Variants in MYO7A observed in about 807,000 individuals in gnomAD.
MYO7A encodes the protein myosin VIIA, also known as unconventional myosin-VIIa.
A neutral mutation model predicts 263.8 loss-of-function variants in MYO7A; 210 were observed. That is an observed-to-expected ratio of 0.80 (90% CI 0.71 to 0.89). MYO7A has a LOEUF of 0.89. MYO7A is among the 40% of genes least tolerant of loss of function. MYO7A has a pLI of 0.00. For missense variants in MYO7A, 2,820 were observed against 2,968.3 expected, an observed-to-expected ratio of 0.95 and a Z score of 1.16; for synonymous variants, 1,239 against 1,197.3, an observed-to-expected ratio of 1.03 and a Z score of -0.72.
In MYO7A at chr11:77,201,601, T is replaced by C. The variant is rs369056903; in HGVS notation, c.5006T>C (p.Val1669Ala). 1.2e-5 allele frequency: 19 copies of C among 1,613,686 alleles called. No individual in the cohort carries two copies. Among genetic ancestry groups the C allele is most frequent in the Admixed American group, 5.0e-5 (3 of 59,994 alleles). The change falls in exon 36 of 49, where the codon GTC becomes GCC. Residue 1669 changes from valine (V) to alanine (A), a missense_variant. Physicochemically the swap from Val to Ala is moderately conservative, Grantham distance 64 (BLOSUM62 0). Coordinates refer to ENST00000409709, the MANE Select transcript of MYO7A (RefSeq NM_000260.4). ...RGDFPTDSVY[V>A]MPTVTMPPRE... ...GACTTCCCCACCGACAGTGTGTACGTCATGCCCACTGTCACCATGCCACCG... is the reference window on the plus strand; with the variant it reads ...GACTTCCCCACCGACAGTGTGTACGCCATGCCCACTGTCACCATGCCACCG...
chr11:77,194,302 G>T lies in MYO7A; in HGVS notation c.4153-52G>T, dbSNP rs532071000. ...CTGGAGCCTTTGGTGGTGTGGAAGG[G>T]CTTCCTGGAGGGGCCTGGGCCAATG... is the stretch of plus-strand genomic sequence containing the variant. On this transcript the variant is annotated intron_variant, in intron 31 of 48. Transcript: ENST00000409709. The T allele has an allele frequency of 1.7e-4, 274 of 1,574,238 alleles. 3 individuals carry two copies. The South Asian group carries it at 3.1e-3, about 18-fold the overall frequency.
At chr11:77,204,440 TGA>T in intron 39 of MYO7A, among the ~76,000 whole-genome samples, 2 of 152,326 alleles carry the variant, frequency 1.3e-5, no homozygotes, top group South Asian at 4.1e-4. Flanking sequence ...TGTCTTCCTT[TGA>T]GTCTGTCCTC....
chr11:77,165,056 A>C (rs1953403919), intron 14 of MYO7A, among the ~76,000 whole-genome samples: 1 of 152,226 alleles, frequency 6.6e-6, no homozygotes, highest in Admixed American at 6.5e-5. Flanking sequence ...AGTTAAGGAA[A>C]CTGGAGTCCC....
intron 18 of MYO7A, 118 bp from the exon 19 acceptor site, chr11:77,177,431 G>A (rs1201019339): frequency 3.8e-6 from 3 of 794,428 alleles, no homozygotes; most frequent in Non-Finnish European, 6.2e-6. Flanking sequence ...GAGCTCATGG[G>A]GCCCAACTGA....
At chr11:77,193,129 C>CGATGGTGTTGGTGATGGTGGAGGTAGT (rs1565444070) in intron 31 of MYO7A, among the ~76,000 whole-genome samples, 2 of 43,332 alleles carry the variant, frequency 4.6e-5, no homozygotes, top group African/African-American at 2.7e-4. Flanking sequence ...GTGGAGGTAG[C>CGATGGTGTTGGTGATGGTGGAGGTAGT]GATGCTGTTG....
At position 77,172,745 on chromosome 11, in the gene MYO7A, C is replaced by A. The variant is rs1555076939; in HGVS notation, c.1798-3C>A. ...CTCCCATCGCTGCCGTCCGTCCCCC[C>A]AGGGCGCCGAGACCAGGAAGCGCTC... On this transcript the variant is annotated splice_polypyrimidine_tract_variant and splice_region_variant and intron_variant, in intron 15 of 48. Transcript: ENST00000409709. The A allele has an allele frequency of 1.9e-6, 3 of 1,555,054 alleles. No homozygotes were observed. The South Asian group carries it at 3.6e-5, about 18-fold the overall frequency.
intron 23 of MYO7A, among the ~76,000 whole-genome samples, 164 bp from the exon 24 acceptor site, chr11:77,181,787 T>TTG (rs1565411837): frequency 5.9e-4 from 77 of 131,282 alleles, no homozygotes; most frequent in South Asian, 1.4e-3. Flanking sequence ...TTGTTTTTTT[T>TTG]TTTTTTTTTT....
At chr11:77,199,504 G>A in intron 34 of MYO7A, 31 bp from the exon 35 acceptor site, 1 of 1,459,284 alleles carries the variant, frequency 6.9e-7, no homozygotes, top group Non-Finnish European at 9.1e-7. Flanking sequence ...GTTGGGGCAT[G>A]ACTGACTCAA....
chr11:77,149,134 G>A (rs888540485), intron 4 of MYO7A, among the ~76,000 whole-genome samples: 2 of 152,162 alleles, frequency 1.3e-5, no homozygotes, highest in Non-Finnish European at 2.9e-5. Context: ...GAGCTGTGCC[G>A]TGCCCGGGTC....
intron 12 of MYO7A, among the ~76,000 whole-genome samples, chr11:77,161,690 G>A (rs1953010689): frequency 6.6e-6 from 1 of 152,288 alleles, no homozygotes; most frequent in South Asian, 2.1e-4. Flanking sequence ...CTGCAGCCAG[G>A]GCTCTGTTTC....
At chr11:77,173,991 C>T (rs115873823) in intron 16 of MYO7A, among the ~76,000 whole-genome samples, 1 of 152,026 alleles carries the variant, frequency 6.6e-6, no homozygotes, top group Non-Finnish European at 1.5e-5. Flanking sequence ...TGGCAATAGC[C>T]TCCTCAAGGG....
Position 77,192,059 on chromosome 11 carries a change from C to A in MYO7A, c.3933C>A (p.Ser1311=), listed in dbSNP as rs1318509732. 6.2e-7 allele frequency: 1 copy of A among 1,612,910 alleles called. No individual in the cohort carries two copies. The highest frequency in any genetic ancestry group is 8.5e-7 in the Non-Finnish European group (1 of 1,179,740). ...LYIALFDKVS[S]LGSGSDHVMD... is the part of the protein sequence containing the mutation. ...CCCCTCTGTGCCCACAGGTGTCCTC[C>A]CTGGGCAGCGGCAGTGACCACGTCA... The change falls in exon 31 of 49, where the codon TCC becomes TCA. Residue 1311 remains serine (S), a synonymous_variant. Coordinates refer to ENST00000409709, the MANE Select transcript of MYO7A (RefSeq NM_000260.4).
intron 4 of MYO7A, among the ~76,000 whole-genome samples, chr11:77,152,694 G>C (rs782648328): frequency 6.6e-6 from 1 of 152,000 alleles, no homozygotes. Context: ...CTTATGTGCC[G>C]TGCATGGTGC....
At position 77,179,820 on chromosome 11, in the gene MYO7A, T is replaced by C. The variant is rs1555082724; in HGVS notation, c.2453T>C (p.Ile818Thr). Residue 818 changes from isoleucine to threonine, a missense_variant, in exon 21 of 49, where the codon ATC becomes ACC. By Grantham distance (89) the Ile-to-Thr change is moderately conservative. Coordinates refer to ENST00000409709, the MANE Select transcript of MYO7A (RefSeq NM_000260.4). ...TACCGCCTGGCCCGCCAGCGCATCA[T>C]CCAGTTCCAGGCCCGCTGCCGCGCC... is the stretch of plus-strand genomic sequence containing the variant. ...QQYRLARQRI[I>T]QFQARCRAYL... 6.5e-7 allele frequency: 1 copy of C among 1,546,490 alleles called. No individual in the cohort carries two copies. The highest frequency in any genetic ancestry group is 1.9e-5 in the Admixed American group (1 of 51,412).
At chr11:77,163,556 G>A (rs1317085949) in intron 14 of MYO7A, among the ~76,000 whole-genome samples, 11 of 152,170 alleles carry the variant, frequency 7.2e-5, no homozygotes, top group African/African-American at 2.4e-4. Flanking sequence ...TGACAGAATG[G>A]TAAGTATTTG....
At chr11:77,188,586 A>C (rs1555089695) in intron 27 of MYO7A, among the ~76,000 whole-genome samples, 1 of 150,474 alleles carries the variant, frequency 6.6e-6, no homozygotes, top group African/African-American at 2.5e-5. Flanking sequence ...GGCAGGCTGC[A>C]GTCTTAGAGT....
chr11:77,211,051 G>A (rs1957826830), intron 44 of MYO7A, 101 bp from the exon 45 acceptor site: 17 of 1,138,982 alleles, frequency 1.5e-5, no homozygotes, highest in Non-Finnish European at 1.9e-5. Flanking sequence ...CATGTGCGGG[G>A]TAAGGTGGTA....
At chr11:77,210,680 T>A (rs564796393) in intron 44 of MYO7A, among the ~76,000 whole-genome samples, 2 of 152,218 alleles carry the variant, frequency 1.3e-5, no homozygotes, top group East Asian at 3.9e-4. Context: ...TCCTCTGGTT[T>A]TGGGTCTGGA....
intron 3 of MYO7A, among the ~76,000 whole-genome samples, chr11:77,144,602 A>G (rs1257649346): frequency 6.9e-6 from 1 of 145,172 alleles, no homozygotes; most frequent in African/African-American, 2.6e-5. Context: ...TCCCACCCCC[A>G]TTCCATCCCC....
Sources: allele counts gnomAD v4.1 joint callset (sites outside exome capture counted in the v4.1 genomes callset), GRCh38; gene constraint gnomAD v4.1.1; transcripts MANE v1.5; gene names NCBI Gene and HGNC (gene_info 2026-07-23, HGNC 2026-07-21).